The following SPIN1 variants were observed in gnomAD, a reference collection of about 807,000 sequenced individuals.
The protein encoded by SPIN1 is spindlin 1.
Under a neutral mutation model 26.0 loss-of-function variants are expected in SPIN1, and 3 were observed. That is an observed-to-expected ratio of 0.12 (90% CI 0.05 to 0.30). SPIN1 has a LOEUF of 0.30. Among genes scored for constraint, SPIN1 ranks in the 10% least tolerant of loss-of-function variants. The pLI is 1.00. For missense variants in SPIN1, 126 were observed against 333.4 expected (o/e 0.38, Z 4.84); for synonymous variants, 101 against 116.5 (o/e 0.87, Z 0.86).
intron 5 of SPIN1, among the ~76,000 whole-genome samples, chr9:88,469,527 T>C (rs762350232): frequency 6.6e-6 from 1 of 152,170 alleles, no homozygotes; most frequent in Non-Finnish European, 1.5e-5. Context: ...GTTTTTGTTT[T>C]TGGACAGAGT....
chr9:88,447,236 T>A (rs549098305), intron 2 of SPIN1, among the ~76,000 whole-genome samples: 28 of 152,220 alleles, frequency 1.8e-4, no homozygotes, highest in Admixed American at 3.3e-4. Context: ...CATTTTTCTT[T>A]ATATTTTCCA....
At chr9:88,442,979 G>A (rs1828168027) in intron 2 of SPIN1, among the ~76,000 whole-genome samples, 1 of 151,990 alleles carries the variant, frequency 6.6e-6, no homozygotes, top group East Asian at 2.0e-4. Flanking sequence ...AATTAGCTGG[G>A]CGTGGTGGCA....
intron 5 of SPIN1, among the ~76,000 whole-genome samples, chr9:88,471,724 C>A (rs1029787382): frequency 6.7e-6 from 1 of 149,108 alleles, no homozygotes; most frequent in African/African-American, 2.5e-5. Context: ...TCTGGACTCT[C>A]AATTCTGTTG....
At chr9:88,419,689 T>C (rs1317801468) in intron 1 of SPIN1, among the ~76,000 whole-genome samples, 1 of 152,228 alleles carries the variant, frequency 6.6e-6, no homozygotes, top group Non-Finnish European at 1.5e-5. Flanking sequence ...ATAACATTAG[T>C]GAACACTAAT....
chr9:88,398,266 A>G (rs1488813782), intron 1 of SPIN1, among the ~76,000 whole-genome samples: 1 of 151,704 alleles, frequency 6.6e-6, no homozygotes, highest in South Asian at 2.1e-4. Flanking sequence ...AAGTTCTTGA[A>G]TTTTTTTGAC....
At chr9:88,453,529 A>G (rs1402311148) in intron 3 of SPIN1, among the ~76,000 whole-genome samples, 1 of 151,446 alleles carries the variant, frequency 6.6e-6, no homozygotes, top group African/African-American at 2.4e-5. Flanking sequence ...TCATTGTTGG[A>G]ATGGTATCTT....
At chr9:88,411,397 G>A (rs775504693) in intron 1 of SPIN1, 19 of 1,595,092 alleles carry the variant, frequency 1.2e-5, no homozygotes, top group Non-Finnish European at 1.5e-5. Context: ...TTGTTTCAAA[G>A]CTCAACCCTC....
chr9:88,410,188 T>TGTGTGTGC (rs4029765), intron 1 of SPIN1, among the ~76,000 whole-genome samples: 133 of 142,964 alleles, frequency 9.3e-4, no homozygotes, highest in African/African-American at 2.9e-3. Context: ...TGTGTGTGTG[T>TGTGTGTGC]GCAACTTTTT....
chr9:88,389,574 T>G (rs1826875029), intron 1 of SPIN1, among the ~76,000 whole-genome samples: 1 of 152,232 alleles, frequency 6.6e-6, no homozygotes, highest in Non-Finnish European at 1.5e-5. Context: ...TCACTCATGG[T>G]AAATATGGAT....
At chr9:88,468,284 G>GT (rs1390565407) in intron 4 of SPIN1, 88 bp from the exon 5 acceptor site, 18 of 988,058 alleles carry the variant, frequency 1.8e-5, no homozygotes, top group Middle Eastern at 2.2e-4. Flanking sequence ...AAAATTTCAG[G>GT]TGTAGCCTTC....
chr9:88,438,531 G>A (rs1828054485), intron 2 of SPIN1, among the ~76,000 whole-genome samples: 1 of 152,082 alleles, frequency 6.6e-6, no homozygotes, highest in South Asian at 2.1e-4. Context: ...CTCCTGTTGG[G>A]CAAAGTAGTC....
chr9:88,438,629 C>T (rs1828056207), intron 2 of SPIN1, among the ~76,000 whole-genome samples: 1 of 152,074 alleles, frequency 6.6e-6, no homozygotes, highest in Non-Finnish European at 1.5e-5. Context: ...TCATCTATAT[C>T]CTTACTGATT....
intron 2 of SPIN1, among the ~76,000 whole-genome samples, chr9:88,437,213 A>T (rs140594196): frequency 6.6e-6 from 1 of 151,702 alleles, no homozygotes; most frequent in African/African-American, 2.4e-5. Context: ...TAAAGCTGCT[A>T]TAGGCCGGGG....
chr9:88,397,989 T>C (rs1827101938), intron 1 of SPIN1, among the ~76,000 whole-genome samples: 1 of 151,522 alleles, frequency 6.6e-6, no homozygotes, highest in Admixed American at 6.6e-5. Flanking sequence ...TGGCACAGTT[T>C]TGGCTCATTG....
intron 2 of SPIN1, among the ~76,000 whole-genome samples, chr9:88,428,020 G>A (rs1401060255): frequency 6.6e-6 from 1 of 152,126 alleles, no homozygotes; most frequent in Non-Finnish European, 1.5e-5. Context: ...TTTAGAATAA[G>A]ATATTTTTAT....
chr9:88,404,654 G>T (rs1443090733), intron 1 of SPIN1, among the ~76,000 whole-genome samples: 1 of 152,032 alleles, frequency 6.6e-6, no homozygotes, highest in Admixed American at 6.6e-5. Flanking sequence ...AGTGGTTCAT[G>T]CCTGTAATCC....
chr9:88,440,592 T>C (rs1345523319), intron 2 of SPIN1, among the ~76,000 whole-genome samples: 2 of 152,064 alleles, frequency 1.3e-5, no homozygotes, highest in Non-Finnish European at 2.9e-5. Context: ...CTTTTTTTTT[T>C]CTCTGAGATG....
intron 3 of SPIN1, among the ~76,000 whole-genome samples, chr9:88,451,041 T>C (rs770445429): frequency 1.8e-4 from 28 of 152,116 alleles, no homozygotes; most frequent in Non-Finnish European, 3.7e-4. Context: ...GGTATTGGAC[T>C]AGAACAATGA....
chr9:88,461,911 C>T (rs2118187884), intron 3 of SPIN1, among the ~76,000 whole-genome samples: 1 of 152,190 alleles, frequency 6.6e-6, no homozygotes, highest in South Asian at 2.1e-4. Context: ...GTTTTCTAGA[C>T]AAGTAATGTT....
Sources: gnomAD v4.1 joint callset for allele counts (sites outside exome capture counted in the v4.1 genomes callset) on GRCh38, gnomAD v4.1.1 for gene constraint, MANE v1.5 for transcripts, NCBI Gene and HGNC (gene_info 2026-07-23, HGNC 2026-07-21) for gene names.